The following R3HDM2 variants were observed in gnomAD, a reference collection of about 807,000 sequenced individuals.
R3HDM2 encodes R3H domain-containing protein 2.
In R3HDM2, 38 loss-of-function variants were observed where a neutral mutation model predicts 124.5. That is an observed-to-expected ratio of 0.31 (90% CI 0.24 to 0.40). The LOEUF (loss-of-function observed/expected upper bound fraction) is 0.40, where lower values mean the gene tolerates loss of function less well. R3HDM2 is among the 10% of genes least tolerant of loss of function. The pLI, the probability that R3HDM2 is intolerant of heterozygous loss-of-function variation, is 1.00. For synonymous variants in R3HDM2, 391 were observed against 448.0 expected, an observed-to-expected ratio of 0.87 and a Z score of 1.61; for missense variants, 869 against 1,236.9, an observed-to-expected ratio of 0.70 and a Z score of 4.46.
intron 23 of R3HDM2, among the ~76,000 whole-genome samples, chr12:57,255,701 T>C (rs2038770257): frequency 6.6e-6 from 1 of 152,212 alleles, no homozygotes; most frequent in Admixed American, 6.5e-5. Flanking sequence ...CAAAGGTAGA[T>C]GTCGTAGATT....
intron 10 of R3HDM2, among the ~76,000 whole-genome samples, chr12:57,294,787 C>T (rs1239194686): frequency 1.3e-5 from 2 of 152,164 alleles, no homozygotes. Flanking sequence ...ATAGGCTGTT[C>T]CCTTCTTATT....
intron 1 of R3HDM2, among the ~76,000 whole-genome samples, chr12:57,406,670 C>G (rs2068554176): frequency 6.6e-6 from 1 of 152,174 alleles, no homozygotes; most frequent in African/African-American, 2.4e-5. Flanking sequence ...CAATGATTAT[C>G]AACAGCTGCT....
In R3HDM2 at chr12:57,263,725, G is replaced by A. The variant is rs2041491046; in HGVS notation, c.2131+3006C>T. ...TGGCCTCAAGTGATCCACCCTCCTT[G>A]GCCTTCCAAAGTGATGGGATTACAG... On this transcript the variant is annotated intron_variant, in intron 19 of 23. Coordinates refer to ENST00000402412, the MANE Select transcript of R3HDM2 (RefSeq NM_001394031.1). Among the ~76,000 whole-genome samples, 2 of 151,974 alleles carry A rather than the reference G, an allele frequency of 1.3e-5. 1 individual carries two copies. Among genetic ancestry groups the A allele is most frequent in the Non-Finnish European group, 2.9e-5 (2 of 67,992 alleles).
At chr12:57,381,567 T>C (rs1403542078) in intron 2 of R3HDM2, among the ~76,000 whole-genome samples, 2 of 136,646 alleles carry the variant, frequency 1.5e-5, no homozygotes, top group Admixed American at 7.3e-5. Flanking sequence ...AAAAAAAGAA[T>C]GGGCAAATGA....
intron 2 of R3HDM2, among the ~76,000 whole-genome samples, chr12:57,379,020 T>G (rs535423349): frequency 8.0e-4 from 122 of 152,214 alleles, no homozygotes; most frequent in African/African-American, 2.8e-3. Context: ...TTCAAAATCA[T>G]AGAAGACGGA....
intron 12 of R3HDM2, among the ~76,000 whole-genome samples, chr12:57,287,933 C>T (rs1344155259): frequency 6.6e-6 from 1 of 151,614 alleles, no homozygotes; most frequent in Non-Finnish European, 1.5e-5. Flanking sequence ...CAACAGGTTG[C>T]ACCAGCATTC....
At chr12:57,302,703 A>G (rs1475671434) in intron 4 of R3HDM2, among the ~76,000 whole-genome samples, 18 of 150,452 alleles carry the variant, frequency 1.2e-4, no homozygotes, top group Non-Finnish European at 2.2e-4. Flanking sequence ...CATTAGGGGG[A>G]AAAAAAAGCC....
At chr12:57,398,694 A>T (rs1426861959) in intron 1 of R3HDM2, among the ~76,000 whole-genome samples, 2 of 152,132 alleles carry the variant, frequency 1.3e-5, no homozygotes, top group African/African-American at 4.8e-5. Flanking sequence ...TCACCATGTT[A>T]GTCAGGCTGG....
At chr12:57,404,689 ACT>A (rs1163557725) in intron 1 of R3HDM2, among the ~76,000 whole-genome samples, 3 of 151,778 alleles carry the variant, frequency 2.0e-5, no homozygotes, top group Non-Finnish European at 4.4e-5. Flanking sequence ...CCAGAGCGAG[ACT>A]CTGTCTCAAA....
chr12:57,395,992 C>T lies in R3HDM2; in HGVS notation c.-105-174G>A, dbSNP rs186698646. Among the ~76,000 whole-genome samples the T allele has an allele frequency of 1.6e-4, 24 of 152,198 alleles. No individual in the cohort carries two copies. The East Asian group carries it at 4.4e-3, about 28-fold the overall frequency. On this transcript the variant is annotated intron_variant, in intron 1 of 23. Coordinates refer to ENST00000402412, the MANE Select transcript of R3HDM2 (RefSeq NM_001394031.1). ...GCCCTGAACCCTCTATATCCATTCCCACTGTCAATTTACAATTAAAAAAAC... is the reference window on the plus strand; with the variant it reads ...GCCCTGAACCCTCTATATCCATTCCTACTGTCAATTTACAATTAAAAAAAC...
At chr12:57,338,757 CAAA>C (rs1191205586) in intron 2 of R3HDM2, among the ~76,000 whole-genome samples, 1 of 151,494 alleles carries the variant, frequency 6.6e-6, no homozygotes, top group Non-Finnish European at 1.5e-5. Context: ...ATGGCTTCCT[CAAA>C]AATTACATGT....
intron 1 of R3HDM2, among the ~76,000 whole-genome samples, chr12:57,420,519 CTT>C (rs759872645): frequency 2.7e-4 from 34 of 124,846 alleles, no homozygotes; most frequent in East Asian, 6.7e-4. Context: ...TACTGGTTTT[CTT>C]TTTTTTTTTT....
chr12:57,372,598 T>C (rs185990593), intron 2 of R3HDM2, among the ~76,000 whole-genome samples: 1 of 152,174 alleles, frequency 6.6e-6, no homozygotes, highest in Non-Finnish European at 1.5e-5. Context: ...TAATAAACAA[T>C]GGTACTATTT....
At chr12:57,417,515 C>T (rs1014648968) in intron 1 of R3HDM2, among the ~76,000 whole-genome samples, 3 of 152,084 alleles carry the variant, frequency 2.0e-5, no homozygotes, top group African/African-American at 7.2e-5. Flanking sequence ...CAATACTATT[C>T]CATGAGGATT....
chr12:57,342,485 G>A (rs2059666154), intron 2 of R3HDM2, among the ~76,000 whole-genome samples: 4 of 113,784 alleles, frequency 3.5e-5, no homozygotes. Flanking sequence ...CACAGACACA[G>A]GCACACACAG....
At chr12:57,427,333 A>T (rs1465776282) in intron 1 of R3HDM2, among the ~76,000 whole-genome samples, 1 of 131,104 alleles carries the variant, frequency 7.6e-6, no homozygotes, top group Non-Finnish European at 1.6e-5. Context: ...TAAATAAAAC[A>T]AAAATGCCTG....
At chr12:57,412,194 C>T (rs1338824089) in intron 1 of R3HDM2, among the ~76,000 whole-genome samples, 1 of 152,134 alleles carries the variant, frequency 6.6e-6, no homozygotes, top group Admixed American at 6.5e-5. Context: ...AGATTGTATT[C>T]ACAGATCAAT....
chr12:57,352,077 T>C (rs1339914357), intron 2 of R3HDM2, among the ~76,000 whole-genome samples: 1 of 152,004 alleles, frequency 6.6e-6, no homozygotes, highest in Non-Finnish European at 1.5e-5. Flanking sequence ...TAACAGTGTA[T>C]CTATATTCTA....
chr12:57,379,581 A>G (rs1244219007), intron 2 of R3HDM2, among the ~76,000 whole-genome samples: 3 of 149,698 alleles, frequency 2.0e-5, no homozygotes, highest in African/African-American at 7.3e-5. Flanking sequence ...AATCCGTCTC[A>G]AAAAAAAAAT....
Sources: allele counts gnomAD v4.1 joint callset (sites outside exome capture counted in the v4.1 genomes callset), GRCh38; gene constraint gnomAD v4.1.1; transcripts MANE v1.5; gene names NCBI Gene and HGNC (gene_info 2026-07-23, HGNC 2026-07-21).